Variants in LRP1B observed in about 807,000 individuals in gnomAD.
The protein encoded by LRP1B is low-density lipoprotein receptor-related protein 1B.
LRP1B carries 217 observed loss-of-function variants against 556.6 expected under a neutral mutation model. The observed-to-expected ratio is 0.39, with a 90% CI of 0.35 to 0.44. The LOEUF (loss-of-function observed/expected upper bound fraction) is 0.44, where lower values mean the gene tolerates loss of function less well. LRP1B is among the 20% of genes least tolerant of loss of function. The pLI is 1.00. For synonymous variants in LRP1B, 2,047 were observed against 1,865.8 expected (o/e 1.10, Z -2.50); for missense variants, 5,053 against 5,620.8 (o/e 0.90, Z 3.23).
chr2:141,987,364 A>C (rs1255294546), intron 1 of LRP1B, among the ~76,000 whole-genome samples: 4 of 151,852 alleles, frequency 2.6e-5, no homozygotes, highest in African/African-American at 4.8e-5. Flanking sequence ...CCTTTTTTGC[A>C]TCTTAAGCTC....
At chr2:141,307,708 C>A (rs1686647886) in intron 3 of LRP1B, among the ~76,000 whole-genome samples, 1 of 152,088 alleles carries the variant, frequency 6.6e-6, no homozygotes, top group Non-Finnish European at 1.5e-5. Context: ...CCAGTGATGA[C>A]AGTGGTGGGC....
chr2:141,742,722 A>G (rs1040824271), intron 2 of LRP1B, among the ~76,000 whole-genome samples: 1 of 152,084 alleles, frequency 6.6e-6, no homozygotes, highest in African/African-American at 2.4e-5. Context: ...GGACATTTTA[A>G]CAATATTGTT....
intron 55 of LRP1B, among the ~76,000 whole-genome samples, chr2:140,496,519 C>T (rs1022947780): frequency 1.3e-5 from 2 of 152,040 alleles, no homozygotes; most frequent in African/African-American, 4.8e-5. Context: ...ATATCTCTTT[C>T]CTTCAGCATC....
intron 1 of LRP1B, among the ~76,000 whole-genome samples, chr2:142,127,849 C>A (rs907838414): frequency 6.6e-6 from 1 of 151,888 alleles, no homozygotes; most frequent in Non-Finnish European, 1.5e-5. Context: ...CCTCTCAATC[C>A]CTTTTCAGAA....
At chr2:141,559,547 T>C (rs1686072217) in intron 2 of LRP1B, among the ~76,000 whole-genome samples, 1 of 151,752 alleles carries the variant, frequency 6.6e-6, no homozygotes, top group Non-Finnish European at 1.5e-5. Flanking sequence ...GCTTTCTTTA[T>C]GGTTAAAAGT....
At chr2:141,736,455 A>G (rs546820792) in intron 2 of LRP1B, among the ~76,000 whole-genome samples, 1 of 152,342 alleles carries the variant, frequency 6.6e-6, no homozygotes, top group South Asian at 2.1e-4. Flanking sequence ...TTGGACACAG[A>G]GACACATAAA....
intron 7 of LRP1B, among the ~76,000 whole-genome samples, chr2:141,063,914 T>C (rs1266248492): frequency 6.6e-6 from 1 of 151,924 alleles, no homozygotes; most frequent in Non-Finnish European, 1.5e-5. Context: ...TATCATGTGA[T>C]GTGTAGAGAC....
chr2:141,111,237 A>C (rs753699531), intron 7 of LRP1B, among the ~76,000 whole-genome samples: 171 of 152,230 alleles, frequency 1.1e-3, no homozygotes, highest in Non-Finnish European at 1.6e-3. Context: ...CAAACATGAC[A>C]GAGTTTATAT....
At chr2:141,245,442 T>G (rs1400997326) in intron 5 of LRP1B, among the ~76,000 whole-genome samples, 18 of 152,146 alleles carry the variant, frequency 1.2e-4, no homozygotes, top group Non-Finnish European at 7.4e-5. Context: ...TTTTGCCCAG[T>G]GTGGTTTCAG....
At chr2:140,782,397 G>A (rs1689730666) in intron 32 of LRP1B, among the ~76,000 whole-genome samples, 1 of 152,148 alleles carries the variant, frequency 6.6e-6, no homozygotes, top group Non-Finnish European at 1.5e-5. Context: ...CTTATAGGAA[G>A]AGGACATTGG....
intron 1 of LRP1B, among the ~76,000 whole-genome samples, chr2:141,868,009 C>T (rs1439191425): frequency 2.0e-5 from 3 of 152,156 alleles, no homozygotes; most frequent in African/African-American, 2.4e-5. Flanking sequence ...TTACCATCAT[C>T]TCCAAGTGGC....
chr2:141,445,521 T>C (rs532614577), intron 3 of LRP1B, among the ~76,000 whole-genome samples: 1 of 152,358 alleles, frequency 6.6e-6, no homozygotes, highest in South Asian at 2.1e-4. Context: ...TGTAAGGGTG[T>C]CAATTTTAGA....
intron 1 of LRP1B, among the ~76,000 whole-genome samples, chr2:141,849,720 T>C (rs995651913): frequency 1.3e-5 from 2 of 151,684 alleles, no homozygotes; most frequent in African/African-American, 4.8e-5. Context: ...TCTATACATA[T>C]GTAGAGCTAA....
At chr2:141,131,181 T>C (rs536172022) in intron 7 of LRP1B, among the ~76,000 whole-genome samples, 1 of 141,838 alleles carries the variant, frequency 7.1e-6, no homozygotes, top group African/African-American at 2.5e-5. Context: ...CCACTTACAG[T>C]GGTGTAACCT....
chr2:141,182,814 G>T (rs563325581), intron 7 of LRP1B, among the ~76,000 whole-genome samples: 5 of 151,776 alleles, frequency 3.3e-5, no homozygotes, highest in Admixed American at 2.6e-4. Flanking sequence ...ATCAACTTTT[G>T]TTACGGGGGG....
chr2:141,012,597 A>G (rs1277404306), intron 14 of LRP1B, among the ~76,000 whole-genome samples: 1 of 151,932 alleles, frequency 6.6e-6, no homozygotes, highest in Non-Finnish European at 1.5e-5. Flanking sequence ...TTTATCAGCT[A>G]TTGATATTTC....
chr2:141,649,566 T>C (rs2105376753), intron 2 of LRP1B, among the ~76,000 whole-genome samples: 1 of 152,338 alleles, frequency 6.6e-6, no homozygotes, highest in East Asian at 1.9e-4. Flanking sequence ...GATGTCTCTT[T>C]ACCTGAAATT....
Position 141,213,676 on chromosome 2 carries a change from A to G in LRP1B, c.850+15507T>C, listed in dbSNP as rs368591989. On this transcript the variant is annotated intron_variant, in intron 6 of 90. Coordinates refer to ENST00000389484, the MANE Select transcript of LRP1B (RefSeq NM_018557.3). ...TTGAATGACACCACATTATCTGAGG[A>G]CCTTCTGTTTGTGTATAACCTATGC... is the stretch of plus-strand genomic sequence containing the variant. Among the ~76,000 whole-genome samples the G allele has an allele frequency of 7.2e-5, 11 of 152,332 alleles. No homozygotes were observed. The East Asian group carries it at 1.2e-3, about 16-fold the overall frequency.
intron 3 of LRP1B, among the ~76,000 whole-genome samples, chr2:141,385,066 T>C (rs1689779262): frequency 6.6e-6 from 1 of 152,114 alleles, no homozygotes; most frequent in African/African-American, 2.4e-5. Context: ...CTGGGTGGTG[T>C]GGGGCTGGTT....
Sources: allele counts gnomAD v4.1 joint callset (sites outside exome capture counted in the v4.1 genomes callset), GRCh38; gene constraint gnomAD v4.1.1; transcripts MANE v1.5; gene names NCBI Gene and HGNC (gene_info 2026-07-23, HGNC 2026-07-21).